Variants in MAGI2 observed in about 807,000 individuals in gnomAD.
MAGI2 encodes membrane associated guanylate kinase, WW and PDZ domain containing 2.
Under a neutral mutation model 133.3 loss-of-function variants are expected in MAGI2, and 35 were observed. That is an observed-to-expected ratio of 0.26 (90% CI 0.20 to 0.35). The LOEUF is 0.35. MAGI2 is among the 10% of genes least tolerant of loss of function. The pLI is 1.00. For synonymous variants in MAGI2, 729 were observed against 710.6 expected (o/e 1.03, Z -0.41); for missense variants, 1,636 against 1,863.4 (o/e 0.88, Z 2.25).
intron 2 of MAGI2, among the ~76,000 whole-genome samples, chr7:78,954,320 C>CA: frequency 6.6e-6 from 1 of 152,186 alleles, no homozygotes; most frequent in East Asian, 1.9e-4. Context: ...TCCCACATTA[C>CA]AAATGTTCTT....
intron 3 of MAGI2, among the ~76,000 whole-genome samples, chr7:78,532,059 A>G (rs1154780): frequency 0.57 from 86,465 of 151,954 alleles, 26,952 homozygotes; most frequent in African/African-American, 0.84. Context: ...CAGAGGATCT[A>G]GGTTCTAAAC....
At chr7:78,398,094 C>A (rs192010560) in intron 6 of MAGI2, among the ~76,000 whole-genome samples, 2 of 151,966 alleles carry the variant, frequency 1.3e-5, no homozygotes, top group Admixed American at 1.3e-4. Context: ...TGAGAAAAGG[C>A]CAAAAAGAGA....
intron 2 of MAGI2, among the ~76,000 whole-genome samples, chr7:78,767,082 C>T (rs992712104): frequency 6.6e-6 from 1 of 152,014 alleles, no homozygotes; most frequent in African/African-American, 2.4e-5. Context: ...CTCTGCCTCC[C>T]AGGTTCAAGC....
chr7:78,709,531 C>T (rs936532876), intron 2 of MAGI2, among the ~76,000 whole-genome samples: 1 of 152,158 alleles, frequency 6.6e-6, no homozygotes, highest in Non-Finnish European at 1.5e-5. Flanking sequence ...TCATACTTTT[C>T]CCATGTCTGT....
chr7:78,286,383 A>AATATATGAAAT (rs1255302681), intron 9 of MAGI2, among the ~76,000 whole-genome samples: 11 of 152,150 alleles, frequency 7.2e-5, no homozygotes, highest in Admixed American at 3.9e-4. Context: ...TGTTATACAA[A>AATATATGAAAT]ATATATGAAA....
chr7:79,187,795 T>G (rs1208757158), intron 1 of MAGI2, among the ~76,000 whole-genome samples: 1 of 151,904 alleles, frequency 6.6e-6, no homozygotes, highest in Non-Finnish European at 1.5e-5. Flanking sequence ...ACATATTTTG[T>G]CATTTTACTT....
chr7:78,703,753 C>A (rs1818313565), intron 2 of MAGI2, among the ~76,000 whole-genome samples: 1 of 151,820 alleles, frequency 6.6e-6, no homozygotes, highest in African/African-American at 2.4e-5. Flanking sequence ...ACCATGCCAC[C>A]ATGGGTTTAT....
intron 1 of MAGI2, among the ~76,000 whole-genome samples, chr7:79,376,189 G>A (rs1843368056): frequency 6.6e-6 from 1 of 151,812 alleles, no homozygotes; most frequent in South Asian, 2.1e-4. Context: ...ACCTGAAGCA[G>A]AATCCTATAT....
At chr7:78,056,058 T>C (rs767745628) in intron 21 of MAGI2, among the ~76,000 whole-genome samples, 3 of 152,156 alleles carry the variant, frequency 2.0e-5, no homozygotes, top group Non-Finnish European at 2.9e-5. Flanking sequence ...TGAAACTCTA[T>C]ATCCATTGAA....
chr7:79,068,396 G>C (rs1389269220), intron 1 of MAGI2, among the ~76,000 whole-genome samples: 11 of 151,522 alleles, frequency 7.3e-5, no homozygotes. Context: ...TTGCATAGAG[G>C]TGTTTGATGG....
intron 1 of MAGI2, among the ~76,000 whole-genome samples, chr7:79,137,159 T>C (rs1483556350): frequency 6.6e-6 from 1 of 152,064 alleles, no homozygotes; most frequent in African/African-American, 2.4e-5. Flanking sequence ...AGGACTTCCC[T>C]GCTAGAAGAA....
chr7:78,220,376 G>A (rs1375003218), intron 10 of MAGI2, among the ~76,000 whole-genome samples: 2 of 152,074 alleles, frequency 1.3e-5, no homozygotes, highest in African/African-American at 4.8e-5. Context: ...TCTCATCACA[G>A]CACCTGGAAC....
intron 3 of MAGI2, among the ~76,000 whole-genome samples, chr7:78,597,512 T>G (rs1468478942): frequency 6.7e-6 from 1 of 150,072 alleles, no homozygotes; most frequent in Non-Finnish European, 1.5e-5. Context: ...ATTCTAGTTT[T>G]CATAACCCAT....
At chr7:78,769,808 G>C (rs181303975) in intron 2 of MAGI2, among the ~76,000 whole-genome samples, 3 of 152,264 alleles carry the variant, frequency 2.0e-5, no homozygotes, top group Admixed American at 1.3e-4. Context: ...GATTCCCTCA[G>C]CTCCGAGCAT....
rs868580537 is a variant in MAGI2, at chr7:79,061,504, G to A, written c.302-54298C>T. ...TGCACAGGCCAACAAATATCAGAAG[G>A]TTGTAGTCTTAAATAAGGACCCGCT... On this transcript the variant is annotated intron_variant, in intron 1 of 21. Transcript: ENST00000354212. Among the ~76,000 whole-genome samples, 182 of 151,998 alleles carry A rather than the reference G, an allele frequency of 1.2e-3. 1 individual carries two copies. The highest frequency in any genetic ancestry group is 4.2e-3 in the African/African-American group (176 of 41,484).
At chr7:78,180,961 A>G (rs1827137422) in intron 13 of MAGI2, among the ~76,000 whole-genome samples, 1 of 147,302 alleles carries the variant, frequency 6.8e-6, no homozygotes, top group African/African-American at 2.5e-5. Flanking sequence ...AGGGAAAATA[A>G]GAACATTTTA....
intron 10 of MAGI2, among the ~76,000 whole-genome samples, chr7:78,218,513 T>C (rs572185839): frequency 1.2e-4 from 18 of 152,380 alleles, no homozygotes; most frequent in Admixed American, 9.8e-4. Flanking sequence ...AATTAACTTT[T>C]AGTGATACCA....
At chr7:79,002,815 T>C (rs1807012962) in intron 2 of MAGI2, among the ~76,000 whole-genome samples, 1 of 151,890 alleles carries the variant, frequency 6.6e-6, no homozygotes, top group Non-Finnish European at 1.5e-5. Flanking sequence ...ATTCTATTTC[T>C]GTGACCATCT....
chr7:79,111,229 G>C (rs370421564), intron 1 of MAGI2, among the ~76,000 whole-genome samples: 1 of 152,146 alleles, frequency 6.6e-6, no homozygotes, highest in Non-Finnish European at 1.5e-5. Context: ...TGTTGTTGTA[G>C]TTTTGGTTCA....
Sources: gnomAD v4.1 joint callset for allele counts (sites outside exome capture counted in the v4.1 genomes callset) on GRCh38, gnomAD v4.1.1 for gene constraint, MANE v1.5 for transcripts, NCBI Gene and HGNC (gene_info 2026-07-23, HGNC 2026-07-21) for gene names.